The following PLCE1 variants were observed in gnomAD, a reference collection of about 807,000 sequenced individuals.
PLCE1 encodes the protein 1-phosphatidylinositol 4,5-bisphosphate phosphodiesterase epsilon-1.
A neutral mutation model predicts 242.8 loss-of-function variants in PLCE1; 119 were observed. The observed-to-expected ratio is 0.49, with a 90% CI of 0.42 to 0.57. PLCE1 has a LOEUF of 0.57. Ranked by LOEUF, PLCE1 falls within the 20% of genes least tolerant of loss-of-function variation. The pLI is 0.00. For synonymous variants in PLCE1, 945 were observed against 1,017.4 expected (o/e 0.93, Z 1.35); for missense variants, 2,441 against 2,788.8 (o/e 0.88, Z 2.81).
intron 2 of PLCE1, among the ~76,000 whole-genome samples, chr10:94,101,199 C>CCTCACCCCTGTGTGCACAGCACATGG (rs2045522047): frequency 6.6e-6 from 1 of 152,180 alleles, no homozygotes; most frequent in Non-Finnish European, 1.5e-5. Flanking sequence ...CACCTGCGCA[C>CCTCACCCCTGTGTGCACAGCACATGG]CTCACCCCTG....
At chr10:94,317,672 GCAA>G (rs2053623390) in intron 29 of PLCE1, among the ~76,000 whole-genome samples, 1 of 152,162 alleles carries the variant, frequency 6.6e-6, no homozygotes, top group Admixed American at 6.5e-5. Context: ...AGGAAAGGAT[GCAA>G]CAACTGCCAT....
intron 4 of PLCE1, among the ~76,000 whole-genome samples, chr10:94,223,678 C>T (rs4564256): frequency 6.6e-6 from 1 of 151,910 alleles, no homozygotes; most frequent in African/African-American, 2.4e-5. Context: ...AAGCCCAGAA[C>T]CTTCTGGGAG....
chr10:94,034,592 G>A (rs971877760), intron 2 of PLCE1, among the ~76,000 whole-genome samples: 4 of 152,064 alleles, frequency 2.6e-5, no homozygotes, highest in Non-Finnish European at 5.9e-5. Context: ...AATTCTGTTC[G>A]TTTCAGCATC....
intron 3 of PLCE1, among the ~76,000 whole-genome samples, chr10:94,141,240 C>G (rs2046945095): frequency 6.6e-6 from 1 of 152,192 alleles, no homozygotes; most frequent in African/African-American, 2.4e-5. Context: ...AAGAATATGA[C>G]TCCATACCAG....
intron 1 of PLCE1, among the ~76,000 whole-genome samples, chr10:94,000,151 G>A (rs2060906294): frequency 6.6e-6 from 1 of 152,200 alleles, no homozygotes; most frequent in Non-Finnish European, 1.5e-5. Flanking sequence ...GGCTCTGTTT[G>A]AGATTTTGCG....
intron 2 of PLCE1, among the ~76,000 whole-genome samples, chr10:94,122,854 C>G (rs2046337762): frequency 6.6e-6 from 1 of 152,150 alleles, no homozygotes; most frequent in Non-Finnish European, 1.5e-5. Flanking sequence ...ATTCAGTAGG[C>G]CTGCGATGGA....
At chr10:94,106,540 T>C (rs1271456573) in intron 2 of PLCE1, among the ~76,000 whole-genome samples, 1 of 152,224 alleles carries the variant, frequency 6.6e-6, no homozygotes, top group African/African-American at 2.4e-5. Flanking sequence ...TAAATATTTC[T>C]GTAATTCAGA....
At chr10:94,203,226 T>G (rs191852039) in intron 4 of PLCE1, among the ~76,000 whole-genome samples, 1 of 152,298 alleles carries the variant, frequency 6.6e-6, no homozygotes, top group Admixed American at 6.5e-5. Context: ...GTGCTGCAGA[T>G]GGATCATGGC....
At chr10:94,110,534 A>T (rs982183873) in intron 2 of PLCE1, among the ~76,000 whole-genome samples, 6 of 152,274 alleles carry the variant, frequency 3.9e-5, no homozygotes, top group Non-Finnish European at 5.9e-5. Flanking sequence ...GAGGAATCTC[A>T]CATAGAATTG....
chr10:94,161,933 G>T (rs1287704997), intron 3 of PLCE1, among the ~76,000 whole-genome samples: 1 of 152,132 alleles, frequency 6.6e-6, no homozygotes, highest in African/African-American at 2.4e-5. Context: ...TTTGTCATTG[G>T]TTCTGTTTAT....
chr10:94,215,476 A>G (rs955006601), intron 4 of PLCE1, among the ~76,000 whole-genome samples: 3 of 152,168 alleles, frequency 2.0e-5, no homozygotes, highest in African/African-American at 7.2e-5. Context: ...AGGTTATATT[A>G]GCACAGAGGA....
chr10:94,267,524 T>C (rs2051561433), intron 16 of PLCE1, among the ~76,000 whole-genome samples: 1 of 152,164 alleles, frequency 6.6e-6, no homozygotes, highest in South Asian at 2.1e-4. Flanking sequence ...ATGGGGCAAA[T>C]GGGAAGTGAG....
intron 4 of PLCE1, among the ~76,000 whole-genome samples, chr10:94,182,743 T>A (rs1444728500): frequency 6.6e-6 from 1 of 152,190 alleles, no homozygotes; most frequent in African/African-American, 2.4e-5. Context: ...AATTCTTAGT[T>A]CTCCTTCTTA....
chr10:94,096,193 G>A (rs1590009395), intron 2 of PLCE1, among the ~76,000 whole-genome samples: 2 of 152,242 alleles, frequency 1.3e-5, no homozygotes, highest in African/African-American at 2.4e-5. Context: ...AGAAAATATG[G>A]AGACTAGGTA....
intron 2 of PLCE1, among the ~76,000 whole-genome samples, chr10:94,115,871 A>ATTGT (rs1352116577): frequency 7.2e-5 from 11 of 152,010 alleles, no homozygotes; most frequent in Non-Finnish European, 1.6e-4. Flanking sequence ...CTTCTCACTT[A>ATTGT]TTGTTTCCTG....
intron 1 of PLCE1, among the ~76,000 whole-genome samples, chr10:94,027,617 C>T (rs941946072): frequency 2.0e-5 from 3 of 152,020 alleles, no homozygotes; most frequent in African/African-American, 7.2e-5. Flanking sequence ...GTCAGGAGAT[C>T]GAGACCATCC....
chr10:94,262,621 T>C lies in PLCE1; in HGVS notation c.3942T>C (p.Ile1314=). 1 of 1,614,088 alleles carries C rather than the reference T, an allele frequency of 6.2e-7. No homozygotes were observed. Among genetic ancestry groups the C allele is most frequent in the Non-Finnish European group, 8.5e-7 (1 of 1,179,946 alleles). Residue 1314 remains isoleucine, a synonymous_variant, in exon 14 of 33, where the codon ATT becomes ATC. Transcript: ENST00000371380. ...GCATTGTGACAAATGGCACTGGGATTGAGAGCACATCTCTGGGCATTTTTG... is the reference window on the plus strand; with the variant it reads ...GCATTGTGACAAATGGCACTGGGATCGAGAGCACATCTCTGGGCATTTTTG... ...AASIVTNGTG[I]ESTSLGIFGV...
At chr10:94,149,144 A>G (rs928972163) in intron 3 of PLCE1, among the ~76,000 whole-genome samples, 3 of 152,170 alleles carry the variant, frequency 2.0e-5, no homozygotes, top group Admixed American at 2.0e-4. Flanking sequence ...ATGACACAGC[A>G]CCATTGTAAG....
chr10:94,310,118 G>GT (rs2053339635), intron 27 of PLCE1, among the ~76,000 whole-genome samples: 1 of 152,024 alleles, frequency 6.6e-6, no homozygotes, highest in East Asian at 1.9e-4. Context: ...GTATCCATTG[G>GT]TTACCCCCTT....
Sources: gnomAD v4.1 joint callset for allele counts (sites outside exome capture counted in the v4.1 genomes callset) on GRCh38, gnomAD v4.1.1 for gene constraint, MANE v1.5 for transcripts, NCBI Gene and HGNC (gene_info 2026-07-23, HGNC 2026-07-21) for gene names.